The following ANTXR1 variants were observed in gnomAD, a reference collection of about 807,000 sequenced individuals.
ANTXR1 encodes the protein ANTXR cell adhesion molecule 1, also known as anthrax toxin receptor 1.
A neutral mutation model predicts 78.1 loss-of-function variants in ANTXR1; 19 were observed. The ratio of observed to expected loss-of-function variants is 0.24; its 90% CI spans 0.17 to 0.36. The LOEUF (loss-of-function observed/expected upper bound fraction) is 0.36, where lower values mean the gene tolerates loss of function less well. Among genes scored for constraint, ANTXR1 ranks in the 10% least tolerant of loss-of-function variants. The probability of loss-of-function intolerance (pLI) is 1.00; values close to 1 mark genes in which losing one functional copy is unlikely to be tolerated. For missense variants in ANTXR1, 518 were observed against 718.6 expected, an observed-to-expected ratio of 0.72 and a Z score of 3.19; for synonymous variants, 273 against 260.5, an observed-to-expected ratio of 1.05 and a Z score of -0.46.
chr2:69,169,365 C>G (rs6722157), intron 13 of ANTXR1, among the ~76,000 whole-genome samples: 83,693 of 152,202 alleles, frequency 0.55, 25,770 homozygotes, highest in East Asian at 0.9. Flanking sequence ...CCCTCCAAGG[C>G]ACAGAGTGGA....
At chr2:69,134,974 C>CTAT in intron 12 of ANTXR1, 1 of 355,532 alleles carries the variant, frequency 2.8e-6, no homozygotes, top group Non-Finnish European at 5.9e-6. Flanking sequence ...ATTATGATTA[C>CTAT]TATTATTATT....
At chr2:69,140,515 C>T (rs1273790334) in intron 12 of ANTXR1, among the ~76,000 whole-genome samples, 1 of 152,104 alleles carries the variant, frequency 6.6e-6, no homozygotes, top group African/African-American at 2.4e-5. Context: ...TTTCTAAAAC[C>T]CCAAAAGCTG....
chr2:69,070,615 A>G lies in ANTXR1; in HGVS notation c.297-32A>G, dbSNP rs768991887. ...ACAACAGCAAAGTAAAAAATACTCAAATAAGACTAACAGAGTGTCTTTGGA... is the reference window on the plus strand; with the variant it reads ...ACAACAGCAAAGTAAAAAATACTCAGATAAGACTAACAGAGTGTCTTTGGA... On this transcript the variant is annotated intron_variant, in intron 3 of 17. Transcript: ENST00000303714. The G allele has an allele frequency of 1.3e-5, 21 of 1,606,858 alleles. No individual in the cohort carries two copies. In the South Asian group the frequency reaches 2.0e-4, roughly 15 times the overall value.
At position 69,020,841 on chromosome 2, in the gene ANTXR1, G is replaced by T. The variant is rs1671169701; in HGVS notation, c.152+7190G>T. 2.6e-5 allele frequency among the ~76,000 whole-genome samples: 4 copies of T among 152,198 alleles called. No individual in the cohort carries two copies. In the South Asian group the frequency reaches 8.3e-4, roughly 32 times the overall value. On this transcript the variant is annotated intron_variant, in intron 1 of 17. Transcript: ENST00000303714. ...CTCAGCAGATTCTTCCATTCATTTGGCATAGATGACATACTCAGTTTTGAT... is the reference window on the plus strand; with the variant it reads ...CTCAGCAGATTCTTCCATTCATTTGTCATAGATGACATACTCAGTTTTGAT...
At position 69,102,871 on chromosome 2, in the gene ANTXR1, G is replaced by A. The variant is rs767918765; in HGVS notation, c.733G>A (p.Gly245Ser). 6.2e-6 allele frequency: 10 copies of A among 1,614,074 alleles called. No homozygotes were observed. Among genetic ancestry groups the A allele is most frequent in the Admixed American group, 1.7e-5 (1 of 60,014 alleles). Residue 245 changes from glycine to serine, a missense_variant, in exon 10 of 18, where the codon GGC becomes AGC. Transcript: ENST00000303714. ...ATTTCAAGTTGTCGTGAGAGGAAAC[G>A]GCTTCCGACATGCCCGCAACGTGGA... ...ESFQVVVRGN[G>S]FRHARNVDRV...
intron 12 of ANTXR1, 132 bp downstream of exon 12, chr2:69,124,775 T>G: frequency 1.1e-6 from 1 of 884,362 alleles, no homozygotes; most frequent in Non-Finnish European, 1.8e-6. Context: ...TGAGCTTTGA[T>G]CCCAGCACTG....
rs999819078 is a variant in ANTXR1, at chr2:69,118,843, T to TAG, written c.803-4162_803-4161dup. 3.9e-5 allele frequency among the ~76,000 whole-genome samples: 6 copies of TAG among 151,980 alleles called. No homozygotes were observed. In the East Asian group the frequency reaches 5.8e-4, roughly 15 times the overall value. On this transcript the variant is annotated intron_variant, in intron 10 of 17. Coordinates refer to ENST00000303714, the MANE Select transcript of ANTXR1 (RefSeq NM_032208.3). Reference sequence around the variant, plus strand: ...GGAAACCAAATGGCCCTCCTTTGTTTAGAGAGAGAGAGAAAAAAGTCACTC... The same window carrying TAG: ...GGAAACCAAATGGCCCTCCTTTGTTTAGAGAGAGAGAGAGAAAAAAGTCACTC...
intron 17 of ANTXR1, among the ~76,000 whole-genome samples, chr2:69,211,801 A>C (rs1169683128): frequency 6.6e-6 from 1 of 152,254 alleles, no homozygotes; most frequent in South Asian, 2.1e-4. Flanking sequence ...CTCCACAGTC[A>C]GACGCTGCCT....
rs547744326 is a variant in ANTXR1, at chr2:69,102,651, G to A, written c.704-191G>A. Among the ~76,000 whole-genome samples, 69 of 152,280 alleles carry A rather than the reference G, an allele frequency of 4.5e-4. No individual in the cohort carries two copies. The South Asian group carries it at 0.013, about 30-fold the overall frequency. ...AAATAAGAAGTGATAGGCCCTTCTTGGGACACCTAGTGAGGATGCACTGGT... is the reference window on the plus strand; with the variant it reads ...AAATAAGAAGTGATAGGCCCTTCTTAGGACACCTAGTGAGGATGCACTGGT... On this transcript the variant is annotated intron_variant, in intron 9 of 17. Transcript: ENST00000303714.
intron 3 of ANTXR1, among the ~76,000 whole-genome samples, chr2:69,047,630 T>C (rs538372204): frequency 6.6e-5 from 10 of 152,232 alleles, no homozygotes; most frequent in Admixed American, 5.9e-4. Flanking sequence ...AGTTTGCAGC[T>C]ACTTGAGTTG....
chr2:69,170,518 G>A (rs1475688187), intron 14 of ANTXR1, among the ~76,000 whole-genome samples: 2 of 152,192 alleles, frequency 1.3e-5, no homozygotes, highest in Non-Finnish European at 2.9e-5. Context: ...AGTTTTGGAG[G>A]TTTTTCTCCC....
intron 3 of ANTXR1, among the ~76,000 whole-genome samples, chr2:69,058,713 G>A (rs1670144016): frequency 6.6e-6 from 1 of 152,160 alleles, no homozygotes; most frequent in Non-Finnish European, 1.5e-5. Flanking sequence ...TATTATTTAA[G>A]AAATGCATGT....
intron 17 of ANTXR1, among the ~76,000 whole-genome samples, chr2:69,235,258 G>C (rs1173934584): frequency 6.6e-6 from 1 of 151,946 alleles, no homozygotes; most frequent in Non-Finnish European, 1.5e-5. Context: ...CCCGACTTCA[G>C]GTAATCTGCC....
rs549066849 is a variant in ANTXR1 at position 69,182,387 on chromosome 2, G to T, written c.1186-106G>T. 2.9e-4 allele frequency: 390 copies of T among 1,365,818 alleles called. 1 individual carries two copies. The African/African-American group carries it at 3.6e-3, about 13-fold the overall frequency. The allele number at this position is 1,365,818 out of a possible 1,614,324, so 84.6% of individuals were successfully genotyped here. On this transcript the variant is annotated intron_variant, in intron 15 of 17. Coordinates refer to ENST00000303714, the MANE Select transcript of ANTXR1 (RefSeq NM_032208.3). ...GGCCCTCAAAACCCAAAGGAATCCAGGGTTGGGTAGCATTCACATTGCAAC... is the reference window on the plus strand; with the variant it reads ...GGCCCTCAAAACCCAAAGGAATCCATGGTTGGGTAGCATTCACATTGCAAC...
chr2:69,077,870 G>A (rs1312894778), intron 8 of ANTXR1, among the ~76,000 whole-genome samples: 1 of 152,156 alleles, frequency 6.6e-6, no homozygotes, highest in Non-Finnish European at 1.5e-5. Context: ...TATATCACTT[G>A]GCCATTGGAT....
chr2:69,038,492 C>T (rs1216194449), intron 1 of ANTXR1, among the ~76,000 whole-genome samples: 1 of 152,136 alleles, frequency 6.6e-6, no homozygotes, highest in African/African-American at 2.4e-5. Context: ...TTATAAGATT[C>T]TAGACAATCT....
Position 69,248,089 on chromosome 2 carries a change from TG to T in ANTXR1, c.*2606del, listed in dbSNP as rs1676060014. ...ATTACAGGCAGGAAAATGTTTTAAC[TG>T]GTTTACAAAATCCATCAATACTTGT... On this transcript the variant is annotated 3_prime_UTR_variant, in exon 18 of 18. Coordinates refer to ENST00000303714, the MANE Select transcript of ANTXR1 (RefSeq NM_032208.3). The T allele has an allele frequency of 6.0e-6, 1 of 167,060 alleles. No homozygotes were observed. The highest frequency in any genetic ancestry group is 1.5e-5 in the Non-Finnish European group (1 of 68,132). 10.3% of individuals were successfully genotyped at this position (167,060 alleles called of 1,614,324 possible). A position where few individuals can be genotyped will look rare whatever the true frequency, so the allele number is the denominator to read the frequency against.
At chr2:69,078,360 C>T (rs916354358) in intron 8 of ANTXR1, among the ~76,000 whole-genome samples, 2 of 152,198 alleles carry the variant, frequency 1.3e-5, no homozygotes, top group Admixed American at 1.3e-4. Context: ...AGGCTACAGA[C>T]TTGGGGTCCA....
intron 12 of ANTXR1, among the ~76,000 whole-genome samples, chr2:69,136,417 A>T (rs962074765): frequency 6.6e-6 from 1 of 152,250 alleles, no homozygotes; most frequent in Non-Finnish European, 1.5e-5. Context: ...TATAAAAATG[A>T]CATATAGATC....
Sources: gnomAD v4.1 joint callset for allele counts (sites outside exome capture counted in the v4.1 genomes callset) on GRCh38, gnomAD v4.1.1 for gene constraint, MANE v1.5 for transcripts, NCBI Gene and HGNC (gene_info 2026-07-23, HGNC 2026-07-21) for gene names.